Variants in CTNNA2 observed in about 807,000 individuals in gnomAD.
The protein encoded by CTNNA2 is catenin alpha 2.
A neutral mutation model predicts 101.0 loss-of-function variants in CTNNA2; 42 were observed. The observed-to-expected ratio is 0.42, with a 90% CI of 0.32 to 0.54. CTNNA2 has a LOEUF of 0.54. Ranked by LOEUF, CTNNA2 falls within the 20% of genes least tolerant of loss-of-function variation. The pLI, the probability that CTNNA2 is intolerant of heterozygous loss-of-function variation, is 0.14. For synonymous variants in CTNNA2, 450 were observed against 456.4 expected (o/e 0.99, Z 0.18); for missense variants, 871 against 1,223.1 (o/e 0.71, Z 4.29).
intron 7 of CTNNA2, among the ~76,000 whole-genome samples, chr2:80,301,350 A>C (rs1396643438): frequency 6.6e-6 from 1 of 152,164 alleles, no homozygotes; most frequent in Non-Finnish European, 1.5e-5. Flanking sequence ...GCTCCCTTTA[A>C]CAGGGGGTAC....
intron 9 of CTNNA2, among the ~76,000 whole-genome samples, chr2:80,531,314 T>G (rs1255634001): frequency 2.6e-5 from 4 of 152,176 alleles, no homozygotes; most frequent in African/African-American, 9.7e-5. Context: ...ACTAGTACCT[T>G]CTATTAGATA....
At chr2:80,643,333 G>A (rs1231197443) in intron 18 of CTNNA2, among the ~76,000 whole-genome samples, 1 of 152,140 alleles carries the variant, frequency 6.6e-6, no homozygotes, top group African/African-American at 2.4e-5. Context: ...GTGATAATGG[G>A]CAAGCTATAT....
chr2:79,630,167 G>T lies in CTNNA2; in HGVS notation c.-5-21385G>T, dbSNP rs114895547. Among the ~76,000 whole-genome samples the T allele has an allele frequency of 4.9e-3, 751 of 152,032 alleles. 5 individuals carry two copies. Among genetic ancestry groups the T allele is most frequent in the African/African-American group, 0.017 (703 of 41,352 alleles). ...TACCACAATATAGACCCTGGGACCTGCTCTCCCCTTGCCACCTCCTTCACT... is the reference window on the plus strand; with the variant it reads ...TACCACAATATAGACCCTGGGACCTTCTCTCCCCTTGCCACCTCCTTCACT... On this transcript the variant is annotated intron_variant, in intron 1 of 18. Transcript: ENST00000402739.
chr2:79,913,443 G>A (rs1347320715), intron 7 of CTNNA2, among the ~76,000 whole-genome samples: 1 of 152,298 alleles, frequency 6.6e-6, no homozygotes, highest in East Asian at 1.9e-4. Context: ...GCATCAGTCG[G>A]TGCAGGGTGT....
At chr2:79,229,514 G>A (rs1026924800) in intron 2 of CTNNA2, among the ~76,000 whole-genome samples, 1 of 152,152 alleles carries the variant, frequency 6.6e-6, no homozygotes, top group Admixed American at 6.5e-5. Flanking sequence ...ACCTGGAACT[G>A]TAAGTCCAAT....
At position 80,648,146 on chromosome 2, in the gene CTNNA2, A is replaced by G. The variant is rs998878851; in HGVS notation, c.*274A>G. On this transcript the variant is annotated 3_prime_UTR_variant, in exon 19 of 19. Coordinates refer to ENST00000402739, the MANE Select transcript of CTNNA2 (RefSeq NM_001282597.3). The stretch of plus-strand genomic sequence containing the variant: ...TGGGCACAGAGTTCGCATTGGCGCA[A>G]TATTTATGGGAGTGGGAGGGATGGG... The G allele has an allele frequency of 1.5e-5, 4 of 263,434 alleles. No homozygotes were observed. The highest frequency in any genetic ancestry group is 8.8e-5 in the African/African-American group (4 of 45,614). The allele number at this position is 263,434 out of a possible 1,614,324, so 16.3% of individuals were successfully genotyped here.
intron 7 of CTNNA2, among the ~76,000 whole-genome samples, chr2:80,381,516 T>C (rs1676515138): frequency 6.6e-6 from 1 of 152,054 alleles, no homozygotes; most frequent in Admixed American, 6.6e-5. Flanking sequence ...GAGATAGAGA[T>C]TGAAAGATGG....
chr2:80,460,478 A>C (rs1009908796), intron 9 of CTNNA2, among the ~76,000 whole-genome samples: 49 of 152,154 alleles, frequency 3.2e-4, no homozygotes, highest in African/African-American at 1.1e-3. Context: ...CTTTAAGAAA[A>C]AGCTGGAGAA....
intron 7 of CTNNA2, among the ~76,000 whole-genome samples, chr2:80,006,731 A>G (rs879709438): frequency 1.3e-5 from 2 of 152,116 alleles, no homozygotes; most frequent in Non-Finnish European, 2.9e-5. Context: ...TGTGGGCACT[A>G]CCCTATTTAC....
intron 4 of CTNNA2, among the ~76,000 whole-genome samples, chr2:79,483,629 T>A (rs1185396369): frequency 6.6e-6 from 1 of 152,188 alleles, no homozygotes; most frequent in Non-Finnish European, 1.5e-5. Flanking sequence ...TCCTCATAGC[T>A]TAGCTCCATT....
rs916827180 is a variant in CTNNA2, at chr2:79,287,786, C to T, written c.-405-24923C>T. ...TGTGGTGGGCTCCACCCAGTTCCAG[C>T]TTCCCGGCTGCTTTGTTTACCTAAG... On this transcript the variant is annotated intron_variant, in intron 2 of 21. Transcript: ENST00000466387. 2.7e-4 allele frequency among the ~76,000 whole-genome samples: 41 copies of T among 152,346 alleles called. 1 individual carries two copies. The highest frequency in any genetic ancestry group is 9.9e-4 in the African/African-American group (41 of 41,582).
chr2:79,381,648 A>T (rs958407237), intron 4 of CTNNA2, among the ~76,000 whole-genome samples: 1 of 152,176 alleles, frequency 6.6e-6, no homozygotes, highest in Non-Finnish European at 1.5e-5. Context: ...TCATACCTCA[A>T]TTGAGGAACT....
chr2:79,298,968 C>T (rs893843047), intron 2 of CTNNA2, among the ~76,000 whole-genome samples: 12 of 152,200 alleles, frequency 7.9e-5, no homozygotes, highest in African/African-American at 2.4e-4. Context: ...CTCCTAATTC[C>T]ATTCAGATCT....
chr2:80,138,620 T>C (rs955848781), intron 7 of CTNNA2, among the ~76,000 whole-genome samples: 9 of 152,108 alleles, frequency 5.9e-5, no homozygotes, highest in African/African-American at 2.2e-4. Flanking sequence ...ATGATATGCA[T>C]GAAGGTTAAG....
At chr2:80,118,077 C>G (rs1701624853) in intron 7 of CTNNA2, among the ~76,000 whole-genome samples, 2 of 152,184 alleles carry the variant, frequency 1.3e-5, no homozygotes, top group Admixed American at 6.5e-5. Context: ...CTCCCTCTCT[C>G]TCAACAGTTA....
At chr2:80,045,766 G>C (rs1336563432) in intron 7 of CTNNA2, among the ~76,000 whole-genome samples, 2 of 151,996 alleles carry the variant, frequency 1.3e-5, no homozygotes, top group African/African-American at 4.8e-5. Context: ...AGGATCGAGG[G>C]CTTAGAAATA....
chr2:79,885,060 T>C (rs1170818187), intron 6 of CTNNA2, among the ~76,000 whole-genome samples: 2 of 152,092 alleles, frequency 1.3e-5, no homozygotes, highest in African/African-American at 4.8e-5. Context: ...AGTTCAGCCG[T>C]AGTAGTTCAC....
At chr2:80,434,485 C>CTTTTTT (rs1169944635) in intron 9 of CTNNA2, among the ~76,000 whole-genome samples, 9 of 89,990 alleles carry the variant, frequency 1.0e-4, no homozygotes, top group Admixed American at 2.7e-4. Context: ...TTCTGTGTCT[C>CTTTTTT]TTTTTTTTTT....
At chr2:79,407,590 C>T (rs749846236) in intron 4 of CTNNA2, among the ~76,000 whole-genome samples, 13 of 151,916 alleles carry the variant, frequency 8.6e-5, no homozygotes, top group South Asian at 8.3e-4. Context: ...ATAGTACCCT[C>T]TAGCAATGAA....
Sources: allele counts gnomAD v4.1 joint callset (sites outside exome capture counted in the v4.1 genomes callset), GRCh38; gene constraint gnomAD v4.1.1; transcripts MANE v1.5; gene names NCBI Gene and HGNC (gene_info 2026-07-23, HGNC 2026-07-21).